The following PRSS12 variants were observed in gnomAD, a reference collection of about 807,000 sequenced individuals.
PRSS12 encodes the protein serine protease 12, also known as neurotrypsin.
In PRSS12, 85 loss-of-function variants were observed where a neutral mutation model predicts 104.4. The observed-to-expected ratio is 0.81, with a 90% CI of 0.68 to 0.98. PRSS12 has a LOEUF of 0.98. Ranked by LOEUF, PRSS12 falls within the 50% of genes least tolerant of loss-of-function variation. The probability of loss-of-function intolerance (pLI) is 0.00; values close to 1 mark genes in which losing one functional copy is unlikely to be tolerated. For missense variants in PRSS12, 1,141 were observed against 1,139.2 expected, an observed-to-expected ratio of 1.00 and a Z score of -0.02; for synonymous variants, 454 against 425.2, an observed-to-expected ratio of 1.07 and a Z score of -0.83.
rs192900587 is a variant in PRSS12 at position 118,328,472 on chromosome 4, C to T, written c.971+3244G>A. 4.6e-4 allele frequency among the ~76,000 whole-genome samples: 70 copies of T among 152,234 alleles called. No homozygotes were observed. The East Asian group carries it at 0.013, about 28-fold the overall frequency. On this transcript the variant is annotated intron_variant, in intron 4 of 12. Coordinates refer to ENST00000296498, the MANE Select transcript of PRSS12 (RefSeq NM_003619.4). ...TATGGCCTTCCTTGTGATTCTATCTCTATATTTTTTCTAGGTAACTGATTA... is the reference window on the plus strand; with the variant it reads ...TATGGCCTTCCTTGTGATTCTATCTTTATATTTTTTCTAGGTAACTGATTA...
intron 4 of PRSS12, among the ~76,000 whole-genome samples, chr4:118,320,802 A>ATG: frequency 6.6e-6 from 1 of 152,072 alleles, no homozygotes; most frequent in Non-Finnish European, 1.5e-5. Flanking sequence ...ATGCTTAGGG[A>ATG]ATGCTCCGTC....
chr4:118,299,977 T>A (rs1743366588), intron 8 of PRSS12, among the ~76,000 whole-genome samples: 2 of 147,226 alleles, frequency 1.4e-5, no homozygotes, highest in South Asian at 4.3e-4. Flanking sequence ...CGAGACTCCA[T>A]CTCAAAAAAA....
At position 118,352,916 on chromosome 4, in the gene PRSS12, C is replaced by T; in HGVS notation, c.-196G>A. The T allele has an allele frequency of 7.5e-7, 1 of 1,342,000 alleles. No individual in the cohort carries two copies. The highest frequency in any genetic ancestry group is 9.6e-7 in the Non-Finnish European group (1 of 1,040,170). The allele number at this position is 1,342,000 out of a possible 1,614,324, so 83.1% of individuals were successfully genotyped here. A position where few individuals can be genotyped will look rare whatever the true frequency, so the allele number is the denominator to read the frequency against. On this transcript the variant is annotated 5_prime_UTR_variant, in exon 1 of 13. Coordinates refer to ENST00000296498, the MANE Select transcript of PRSS12 (RefSeq NM_003619.4). ...CCTGCCGCGCCTCGGCTCCTGTCCC[C>T]TGGCGGCGGCCGCGGGTGGGGAAAT...
chr4:118,311,417 G>A (rs1332785925), intron 7 of PRSS12, among the ~76,000 whole-genome samples: 1 of 152,138 alleles, frequency 6.6e-6, no homozygotes, highest in Non-Finnish European at 1.5e-5. Context: ...AGTAGTCCAA[G>A]AGCTCATCAT....
At position 118,313,527 on chromosome 4, in the gene PRSS12, C is replaced by A. The variant is rs1210438214; in HGVS notation, c.1293-130G>T. Reference sequence around the variant, plus strand: ...GGATAAGTATCTGTTCTTTCTCCTACCTTGGGGACGCAGTTTAGAGCTATG... The same window carrying A: ...GGATAAGTATCTGTTCTTTCTCCTAACTTGGGGACGCAGTTTAGAGCTATG... On this transcript the variant is annotated intron_variant, in intron 6 of 12. Transcript: ENST00000296498. 6.1e-6 allele frequency: 6 copies of A among 985,732 alleles called. No homozygotes were observed. The East Asian group carries it at 1.0e-4, about 17-fold the overall frequency. 61.1% of individuals were successfully genotyped at this position (985,732 alleles called of 1,614,324 possible).
At chr4:118,340,442 G>A (rs148762639) in intron 1 of PRSS12, among the ~76,000 whole-genome samples, 14 of 152,220 alleles carry the variant, frequency 9.2e-5, no homozygotes, top group African/African-American at 3.4e-4. Context: ...TCCTAACAGT[G>A]TCCTCCACAT....
intron 5 of PRSS12, among the ~76,000 whole-genome samples, chr4:118,317,225 T>A (rs1723469760): frequency 6.6e-6 from 1 of 152,192 alleles, no homozygotes; most frequent in Non-Finnish European, 1.5e-5. Flanking sequence ...TGAATTTGAA[T>A]CTTATTAACT....
intron 1 of PRSS12, among the ~76,000 whole-genome samples, chr4:118,351,280 T>A (rs1387474465): frequency 6.6e-6 from 1 of 152,132 alleles, no homozygotes; most frequent in East Asian, 1.9e-4. Flanking sequence ...AATGGAAAGC[T>A]GCCAAAAATA....
chr4:118,310,684 T>C (rs969785178), intron 7 of PRSS12, among the ~76,000 whole-genome samples: 1 of 152,214 alleles, frequency 6.6e-6, no homozygotes, highest in Non-Finnish European at 1.5e-5. Context: ...TGTAACATAA[T>C]ACATTATTTT....
chr4:118,316,129 CTT>C (rs1183891564), intron 6 of PRSS12, 51 bp downstream of exon 6: 1 of 1,598,426 alleles, frequency 6.3e-7, no homozygotes, highest in African/African-American at 1.3e-5. Flanking sequence ...CATAATAAGA[CTT>C]TTAACAATAT....
At chr4:118,292,078 A>C (rs867496010) in intron 11 of PRSS12, among the ~76,000 whole-genome samples, 91 of 152,152 alleles carry the variant, frequency 6.0e-4, no homozygotes, top group African/African-American at 2.2e-3. Flanking sequence ...TTTTAGAAGA[A>C]ATTTTTAAAA....
chr4:118,352,559 C>A lies in PRSS12; in HGVS notation c.162G>T (p.Pro54=). The change falls in exon 1 of 13, where the codon CCG becomes CCT. Residue 54 remains proline, a synonymous_variant. Transcript: ENST00000296498. ...GGAGAGGCGGCGGCGGACGCGTCCT[C>A]GGGGGCCGCTGCTGGGTGGGAAGGT... ...PYYLPTQQRP[P]RTRPPPPLPR... 1 of 1,540,062 alleles carries A rather than the reference C, an allele frequency of 6.5e-7. No homozygotes were observed. Among genetic ancestry groups the A allele is most frequent in the Non-Finnish European group, 8.8e-7 (1 of 1,142,506 alleles).
chr4:118,342,078 T>C (rs1350768559), intron 1 of PRSS12, among the ~76,000 whole-genome samples: 1 of 152,128 alleles, frequency 6.6e-6, no homozygotes, highest in Non-Finnish European at 1.5e-5. Context: ...AATCCTCCAG[T>C]AGAAGCTGAT....
At chr4:118,349,448 C>T (rs1450311263) in intron 1 of PRSS12, among the ~76,000 whole-genome samples, 2 of 151,554 alleles carry the variant, frequency 1.3e-5, no homozygotes, top group Admixed American at 1.3e-4. Context: ...ATCTTTTAAG[C>T]ATAAGAGACT....
intron 7 of PRSS12, among the ~76,000 whole-genome samples, chr4:118,309,691 T>C (rs1743655032): frequency 6.6e-6 from 1 of 152,180 alleles, no homozygotes. Flanking sequence ...AGGGCCAAGA[T>C]TTGCTGTTAA....
At chr4:118,337,950 C>T (rs1488894439) in intron 2 of PRSS12, among the ~76,000 whole-genome samples, 1 of 151,956 alleles carries the variant, frequency 6.6e-6, no homozygotes, top group African/African-American at 2.4e-5. Context: ...TAGTATTTGC[C>T]CATTTTCCTA....
At chr4:118,282,712 A>C in intron 12 of PRSS12, 119 bp downstream of exon 12, 1 of 1,431,710 alleles carries the variant, frequency 7.0e-7, no homozygotes, top group South Asian at 1.2e-5. Flanking sequence ...TTTCACACTA[A>C]GCAAAATTTC....
At chr4:118,318,018 C>T (rs888087426) in intron 5 of PRSS12, among the ~76,000 whole-genome samples, 3 of 152,182 alleles carry the variant, frequency 2.0e-5, no homozygotes, top group Non-Finnish European at 2.9e-5. Context: ...GCTCTAAACA[C>T]ATTCTGAGTC....
chr4:118,290,924 C>A (rs1315934904), intron 11 of PRSS12, among the ~76,000 whole-genome samples: 1 of 151,940 alleles, frequency 6.6e-6, no homozygotes. Flanking sequence ...AATTAGGTCC[C>A]TTCCTCACAG....
Sources: gnomAD v4.1 joint callset for allele counts (sites outside exome capture counted in the v4.1 genomes callset) on GRCh38, gnomAD v4.1.1 for gene constraint, MANE v1.5 for transcripts, NCBI Gene and HGNC (gene_info 2026-07-23, HGNC 2026-07-21) for gene names.